Variants in GUCY1A2 observed in about 807,000 individuals in gnomAD.
GUCY1A2 encodes guanylate cyclase soluble subunit alpha-2.
In GUCY1A2, 27 loss-of-function variants were observed where a neutral mutation model predicts 63.5. That is an observed-to-expected ratio of 0.43 (90% CI 0.31 to 0.59). The LOEUF is 0.59. Among genes scored for constraint, GUCY1A2 ranks in the 20% least tolerant of loss-of-function variants. The pLI is 0.11. For missense variants in GUCY1A2, 768 were observed against 913.3 expected (o/e 0.84, Z 2.05); for synonymous variants, 364 against 343.5 (o/e 1.06, Z -0.66).
At chr11:106,972,853 A>G (rs563332580) in intron 3 of GUCY1A2, among the ~76,000 whole-genome samples, 45 of 152,214 alleles carry the variant, frequency 3.0e-4, no homozygotes, top group African/African-American at 1.1e-3. Context: ...GCTCTCTGTG[A>G]AAGACATGGA....
chr11:106,921,986 C>T (rs1203864649), intron 4 of GUCY1A2, among the ~76,000 whole-genome samples: 2 of 152,122 alleles, frequency 1.3e-5, no homozygotes, highest in Non-Finnish European at 2.9e-5. Context: ...AAAATGTTAA[C>T]ATAAAGTGCA....
chr11:106,979,017 A>C (rs1255229425), intron 2 of GUCY1A2, among the ~76,000 whole-genome samples: 1 of 152,186 alleles, frequency 6.6e-6, no homozygotes, highest in African/African-American at 2.4e-5. Context: ...CTAATGTATC[A>C]CTCTGAGAGC....
chr11:106,993,813 T>C (rs1260096010), intron 1 of GUCY1A2, among the ~76,000 whole-genome samples: 1 of 152,184 alleles, frequency 6.6e-6, no homozygotes, highest in Non-Finnish European at 1.5e-5. Flanking sequence ...CAACCTTCTC[T>C]GGGTAATCAT....
chr11:106,816,968 A>C (rs1858840970), intron 4 of GUCY1A2, among the ~76,000 whole-genome samples: 1 of 152,062 alleles, frequency 6.6e-6, no homozygotes, highest in African/African-American at 2.4e-5. Context: ...AGTTTTTTGA[A>C]AAAAAAATCT....
chr11:106,977,661 T>G (rs1281646667), intron 3 of GUCY1A2, among the ~76,000 whole-genome samples: 1 of 152,122 alleles, frequency 6.6e-6, no homozygotes, highest in Non-Finnish European at 1.5e-5. Context: ...GGAAACTGTT[T>G]GTAGGAGAAA....
At chr11:106,809,890 T>C in intron 5 of GUCY1A2, 103 bp downstream of exon 5, 1 of 713,466 alleles carries the variant, frequency 1.4e-6, no homozygotes, top group South Asian at 2.4e-5. Flanking sequence ...AATTAAAGAG[T>C]TGTCAATTAT....
intron 4 of GUCY1A2, among the ~76,000 whole-genome samples, chr11:106,881,356 G>C (rs574945205): frequency 6.6e-6 from 1 of 152,098 alleles, no homozygotes; most frequent in South Asian, 2.1e-4. Flanking sequence ...ACTCAGTAAA[G>C]CTCTGACTTC....
chr11:106,986,466 C>T (rs1261596455), intron 1 of GUCY1A2, among the ~76,000 whole-genome samples: 1 of 152,120 alleles, frequency 6.6e-6, no homozygotes. Context: ...GGGTGCCCTG[C>T]AGAAACATGA....
intron 1 of GUCY1A2, 74 bp downstream of exon 1, chr11:107,017,679 G>T: frequency 1.1e-6 from 1 of 899,998 alleles, no homozygotes; most frequent in Non-Finnish European, 1.5e-6. Context: ...TCGCGCCCCG[G>T]CTCGCCCAGC....
chr11:106,887,037 C>T (rs924609351), intron 4 of GUCY1A2, among the ~76,000 whole-genome samples: 2 of 152,084 alleles, frequency 1.3e-5, no homozygotes, highest in African/African-American at 4.8e-5. Context: ...TTGCTGATGG[C>T]TAACTATCCT....
intron 4 of GUCY1A2, among the ~76,000 whole-genome samples, chr11:106,816,006 A>G (rs1334619318): frequency 6.6e-6 from 1 of 152,024 alleles, no homozygotes; most frequent in African/African-American, 2.4e-5. Flanking sequence ...GAATAAATTT[A>G]TGTTGTTTTA....
At chr11:106,950,986 G>A (rs1860900004) in intron 3 of GUCY1A2, among the ~76,000 whole-genome samples, 1 of 152,130 alleles carries the variant, frequency 6.6e-6, no homozygotes, top group African/African-American at 2.4e-5. Context: ...GTGAGAACAT[G>A]CAGTGTTTGG....
rs929425492 is a variant in GUCY1A2 at position 106,877,269 on chromosome 11, G to C, written c.1206+62191C>G. Among the ~76,000 whole-genome samples, 6 of 152,136 alleles carry C rather than the reference G, an allele frequency of 3.9e-5. No homozygotes were observed. The East Asian group carries it at 5.8e-4, about 15-fold the overall frequency. Reference sequence around the variant, plus strand: ...TATAGGATCAAGTCATCTGCAAACAGGGATAGTTTCACTTCCCCTCTTCCT... The same window carrying C: ...TATAGGATCAAGTCATCTGCAAACACGGATAGTTTCACTTCCCCTCTTCCT... On this transcript the variant is annotated intron_variant, in intron 4 of 7. Transcript: ENST00000526355.
At chr11:106,839,641 A>T (rs1006581373) in intron 4 of GUCY1A2, among the ~76,000 whole-genome samples, 21 of 151,998 alleles carry the variant, frequency 1.4e-4, no homozygotes, top group Non-Finnish European at 2.9e-4. Flanking sequence ...TGGATTAAGA[A>T]AATGTGGCAC....
intron 4 of GUCY1A2, among the ~76,000 whole-genome samples, chr11:106,898,590 C>T (rs1175059704): frequency 6.6e-6 from 1 of 152,018 alleles, no homozygotes; most frequent in East Asian, 1.9e-4. Context: ...AATGAAAGAA[C>T]TCAATTTGAA....
At chr11:106,715,929 G>T (rs1348060705) in intron 6 of GUCY1A2, among the ~76,000 whole-genome samples, 1 of 152,132 alleles carries the variant, frequency 6.6e-6, no homozygotes, top group East Asian at 1.9e-4. Flanking sequence ...AAGAGGGCAG[G>T]GCACTACTGA....
chr11:106,688,911 G>A (rs981778138), intron 7 of GUCY1A2, among the ~76,000 whole-genome samples: 2 of 152,158 alleles, frequency 1.3e-5, no homozygotes, highest in African/African-American at 4.8e-5. Context: ...AAGAATGAGG[G>A]TTAAGGCTGG....
At chr11:106,771,713 C>CTGCACT (rs1378340151) in intron 6 of GUCY1A2, among the ~76,000 whole-genome samples, 1 of 151,714 alleles carries the variant, frequency 6.6e-6, no homozygotes, top group East Asian at 1.9e-4. Context: ...GATGGTGACA[C>CTGCACT]TGCACTCCAG....
rs117591360 is a variant in GUCY1A2, at chr11:106,740,451, A to G, written c.1837-31785T>C. Among the ~76,000 whole-genome samples the G allele has an allele frequency of 1.0e-3, 153 of 152,248 alleles. 3 individuals are homozygous for G. The East Asian group carries it at 0.017, about 17-fold the overall frequency. On this transcript the variant is annotated intron_variant, in intron 6 of 7. Transcript: ENST00000526355. ...TAGAGCAGTGATGTGATAAAATAAT[A>G]TTTGAGGTGACTGTTTCAGCAGCCT...
Sources: allele counts gnomAD v4.1 joint callset (sites outside exome capture counted in the v4.1 genomes callset), GRCh38; gene constraint gnomAD v4.1.1; transcripts MANE v1.5; gene names NCBI Gene and HGNC (gene_info 2026-07-23, HGNC 2026-07-21).